The following HCRTR2 variants were observed in gnomAD, a reference collection of about 807,000 sequenced individuals.
HCRTR2 encodes orexin receptor type 2.
Under a neutral mutation model 49.0 loss-of-function variants are expected in HCRTR2, and 22 were observed. The observed-to-expected ratio is 0.45, with a 90% CI of 0.32 to 0.64. The LOEUF (loss-of-function observed/expected upper bound fraction) is 0.64. HCRTR2 is among the 30% of genes least tolerant of loss of function. The pLI is 0.04. For missense variants in HCRTR2, 491 were observed against 559.4 expected, an observed-to-expected ratio of 0.88 and a Z score of 1.23; for synonymous variants, 236 against 205.3, an observed-to-expected ratio of 1.15 and a Z score of -1.28.
At chr6:55,150,143 A>G (rs2127257522) in intron 1 of HCRTR2, among the ~76,000 whole-genome samples, 1 of 152,038 alleles carries the variant, frequency 6.6e-6, no homozygotes, top group African/African-American at 2.4e-5. Flanking sequence ...TTCTACATTA[A>G]AAAAACATTT....
At chr6:55,122,363 T>C (rs1334452533) in intron 1 of HCRTR2, among the ~76,000 whole-genome samples, 2 of 152,170 alleles carry the variant, frequency 1.3e-5, no homozygotes, top group African/African-American at 4.8e-5. Flanking sequence ...TTTTCTTCTT[T>C]ATTAGTCTTG....
At chr6:55,242,477 T>C (rs1766355079) in intron 1 of HCRTR2, among the ~76,000 whole-genome samples, 1 of 152,164 alleles carries the variant, frequency 6.6e-6, no homozygotes, top group Non-Finnish European at 1.5e-5. Context: ...CTCTCTGTTT[T>C]TACCTTATTT....
At position 55,280,141 on chromosome 6, in the gene HCRTR2, G is replaced by A. The variant is rs572877750; in HGVS notation, c.984-182G>A. Among the ~76,000 whole-genome samples the A allele has an allele frequency of 2.6e-5, 4 of 152,244 alleles. No individual in the cohort carries two copies. In the East Asian group the frequency reaches 7.7e-4, roughly 29 times the overall value. ...ATTTGGCTTTTGATTTATTGATTGT[G>A]CTGTGGAGGTTCTGTTCAGGCACTG... On this transcript the variant is annotated intron_variant, in intron 5 of 6. Coordinates refer to ENST00000370862, the MANE Select transcript of HCRTR2 (RefSeq NM_001384272.1).
chr6:55,211,705 T>C (rs546975502), intron 1 of HCRTR2, among the ~76,000 whole-genome samples: 1 of 152,300 alleles, frequency 6.6e-6, no homozygotes, highest in South Asian at 2.1e-4. Context: ...CATGCTTCAC[T>C]GACCTTTAAG....
chr6:55,157,617 A>G (rs1325920003), intron 1 of HCRTR2, among the ~76,000 whole-genome samples: 2 of 152,154 alleles, frequency 1.3e-5, no homozygotes, highest in Non-Finnish European at 2.9e-5. Context: ...GACCCAGCAC[A>G]GCCCAAGGGT....
chr6:55,194,985 C>T (rs1273271772), intron 1 of HCRTR2, among the ~76,000 whole-genome samples: 3 of 151,642 alleles, frequency 2.0e-5, no homozygotes, highest in Admixed American at 6.6e-5. Flanking sequence ...ATTTAGAAAC[C>T]AATAATACAG....
chr6:55,177,148 T>C (rs1232392540), intron 1 of HCRTR2, among the ~76,000 whole-genome samples: 5 of 152,194 alleles, frequency 3.3e-5, no homozygotes, highest in Admixed American at 1.3e-4. Flanking sequence ...TCAAGGAAGA[T>C]AGCACTGTCC....
In HCRTR2 at chr6:55,243,776, A is replaced by C. The variant is rs114276851; in HGVS notation, c.224-4863A>C. 3.0e-3 allele frequency among the ~76,000 whole-genome samples: 450 copies of C among 152,280 alleles called. 2 individuals are homozygous for C. Among genetic ancestry groups the C allele is most frequent in the African/African-American group, 0.01 (425 of 41,574 alleles). On this transcript the variant is annotated intron_variant, in intron 1 of 6. Coordinates refer to ENST00000370862, the MANE Select transcript of HCRTR2 (RefSeq NM_001384272.1). ...AAAGAGCCTTTGTGCCCGTAGAGAG[A>C]TAAGAAAAAATACAAAAGAAATCCA...
chr6:55,139,073 G>A (rs1028082768), intron 1 of HCRTR2, among the ~76,000 whole-genome samples: 1 of 152,098 alleles, frequency 6.6e-6, no homozygotes, highest in African/African-American at 2.4e-5. Flanking sequence ...AAAGTTTCAG[G>A]CACAAACATA....
At chr6:55,264,018 C>T (rs778105715) in intron 4 of HCRTR2, 196 bp downstream of exon 4, 15 of 557,228 alleles carry the variant, frequency 2.7e-5, no homozygotes, top group Non-Finnish European at 4.8e-5. Context: ...AGAACCCAGA[C>T]ATAGAAATAT....
intron 3 of HCRTR2, 139 bp downstream of exon 3, chr6:55,255,518 A>G: frequency 1.1e-6 from 1 of 946,436 alleles, no homozygotes; most frequent in Non-Finnish European, 1.7e-6. Flanking sequence ...CATGAAAACC[A>G]ACTTGAATTT....
At chr6:55,193,493 A>C (rs1252718466) in intron 1 of HCRTR2, among the ~76,000 whole-genome samples, 1 of 151,748 alleles carries the variant, frequency 6.6e-6, no homozygotes, top group South Asian at 2.1e-4. Context: ...ACAAAGAAAC[A>C]ACAACAACAA....
chr6:55,198,766 A>T (rs1172176628), intron 1 of HCRTR2, among the ~76,000 whole-genome samples: 1 of 152,224 alleles, frequency 6.6e-6, no homozygotes, highest in Non-Finnish European at 1.5e-5. Context: ...TAGGAGAGTT[A>T]TTGGCTCAAG....
chr6:55,151,953 G>T (rs933764103), intron 1 of HCRTR2, among the ~76,000 whole-genome samples: 2 of 151,854 alleles, frequency 1.3e-5, no homozygotes, highest in Non-Finnish European at 2.9e-5. Context: ...TATCTTAAAA[G>T]GAATCTTTTT....
chr6:55,186,049 A>T (rs1287017346), intron 1 of HCRTR2, among the ~76,000 whole-genome samples: 1 of 152,188 alleles, frequency 6.6e-6, no homozygotes, highest in East Asian at 1.9e-4. Context: ...TAGTTTTGTC[A>T]TAGAATTGAT....
intron 1 of HCRTR2, among the ~76,000 whole-genome samples, chr6:55,203,619 C>G (rs931881400): frequency 6.6e-6 from 1 of 152,022 alleles, no homozygotes; most frequent in Non-Finnish European, 1.5e-5. Context: ...GTTCAATTTA[C>G]AAGTGGATGG....
At chr6:55,208,553 A>C (rs955130561) in intron 1 of HCRTR2, among the ~76,000 whole-genome samples, 2 of 152,102 alleles carry the variant, frequency 1.3e-5, no homozygotes, top group African/African-American at 4.8e-5. Flanking sequence ...CTGATGATTA[A>C]ATTTAATCCT....
chr6:55,121,203 T>A (rs1764194509), intron 1 of HCRTR2, among the ~76,000 whole-genome samples: 1 of 152,116 alleles, frequency 6.6e-6, no homozygotes, highest in South Asian at 2.1e-4. Flanking sequence ...CCTTGTAAGT[T>A]GGATTCCTAG....
chr6:55,201,984 T>C (rs933390949), intron 1 of HCRTR2, among the ~76,000 whole-genome samples: 11 of 152,144 alleles, frequency 7.2e-5, no homozygotes, highest in Admixed American at 6.5e-4. Flanking sequence ...ACTTTAAGAA[T>C]GTTATATTCT....
Sources: gnomAD v4.1 joint callset for allele counts (sites outside exome capture counted in the v4.1 genomes callset) on GRCh38, gnomAD v4.1.1 for gene constraint, MANE v1.5 for transcripts, NCBI Gene and HGNC (gene_info 2026-07-23, HGNC 2026-07-21) for gene names.